Variants in DRC7 observed in about 807,000 individuals in gnomAD.
The protein encoded by DRC7 is coiled-coil domain containing 135.
A neutral mutation model predicts 104.4 loss-of-function variants in DRC7; 80 were observed. That is an observed-to-expected ratio of 0.77 (90% CI 0.64 to 0.92). DRC7 has a LOEUF of 0.92. Among genes scored for constraint, DRC7 ranks in the 40% least tolerant of loss-of-function variants. DRC7 has a pLI of 0.00. For synonymous variants in DRC7, 405 were observed against 447.3 expected (o/e 0.91, Z 1.19); for missense variants, 1,034 against 1,141.1 (o/e 0.91, Z 1.35).
intron 8 of DRC7, 70 bp downstream of exon 8, chr16:57,707,748 T>C: frequency 3.6e-6 from 5 of 1,407,354 alleles, no homozygotes; most frequent in Non-Finnish European, 4.9e-6. Context: ...AGGGAAGCAA[T>C]GGCAGCCAGA....
chr16:57,699,623 C>G (rs2048635896), intron 4 of DRC7, among the ~76,000 whole-genome samples: 1 of 152,150 alleles, frequency 6.6e-6, no homozygotes, highest in Non-Finnish European at 1.5e-5. Flanking sequence ...AGGCTGACCT[C>G]TGAGGCTTCA....
intron 8 of DRC7, among the ~76,000 whole-genome samples, chr16:57,713,241 T>A (rs1311687864): frequency 6.6e-6 from 1 of 152,226 alleles, no homozygotes; most frequent in South Asian, 2.1e-4. Context: ...TAAATGTCAA[T>A]AATCTCAAGT....
chr16:57,717,981 C>G (rs1253245886), intron 8 of DRC7, among the ~76,000 whole-genome samples: 1 of 152,196 alleles, frequency 6.6e-6, no homozygotes, highest in East Asian at 1.9e-4. Flanking sequence ...GCCATCAAAT[C>G]TTGCTGGTTT....
rs2048987261 is a variant in DRC7 at position 57,727,524 on chromosome 16, T to C, written c.2196+115T>C. 8.2e-5 allele frequency: 59 copies of C among 721,132 alleles called. No homozygotes were observed. The South Asian group carries it at 9.3e-4, about 11-fold the overall frequency. 44.7% of individuals were successfully genotyped at this position (721,132 alleles called of 1,614,324 possible). Reference sequence around the variant, plus strand: ...AACCCTCTGTGGGGGATACGGTTATTGATACCATGCGGTCATCCTTGCTGC... The same window carrying C: ...AACCCTCTGTGGGGGATACGGTTATCGATACCATGCGGTCATCCTTGCTGC... On this transcript the variant is annotated intron_variant, in intron 16 of 18. Transcript: ENST00000360716.
intron 7 of DRC7, among the ~76,000 whole-genome samples, chr16:57,707,077 A>G (rs762120913): frequency 7.9e-5 from 12 of 152,154 alleles, no homozygotes; most frequent in Non-Finnish European, 1.6e-4. Context: ...CTATTTATAC[A>G]TAACAATGAA....
chr16:57,728,292 T>G, intron 16 of DRC7, 98 bp from the exon 17 acceptor site: 43 of 1,179,944 alleles, frequency 3.6e-5, no homozygotes, highest in Non-Finnish European at 4.9e-5. Context: ...AACCTGGCTG[T>G]GAGGTCTGGC....
intron 12 of DRC7, among the ~76,000 whole-genome samples, chr16:57,723,399 C>A (rs1400039259): frequency 2.0e-5 from 3 of 152,184 alleles, no homozygotes; most frequent in Non-Finnish European, 4.4e-5. Flanking sequence ...TGGAATCAGG[C>A]CGGAACCTCA....
chr16:57,714,658 G>T (rs2048822986), intron 8 of DRC7: 1 of 205,172 alleles, frequency 4.9e-6, no homozygotes, highest in Non-Finnish European at 9.4e-6. Context: ...ACATACATAT[G>T]CACTGGACAG....
At chr16:57,723,873 C>T (rs1466527339) in intron 12 of DRC7, among the ~76,000 whole-genome samples, 3 of 151,714 alleles carry the variant, frequency 2.0e-5, no homozygotes, top group African/African-American at 7.3e-5. Flanking sequence ...AAAGGACCAT[C>T]TTATAACCCC....
At chr16:57,698,519 A>G (rs1272749201) in intron 3 of DRC7, among the ~76,000 whole-genome samples, 2 of 141,142 alleles carry the variant, frequency 1.4e-5, no homozygotes, top group Non-Finnish European at 3.0e-5. Flanking sequence ...AGACCCCCCC[A>G]CCCATGTCTA....
Position 57,705,156 on chromosome 16 carries a change from C to T in DRC7, c.858+122C>T, listed in dbSNP as rs1446652619. The T allele has an allele frequency of 2.0e-5, 22 of 1,108,172 alleles. No individual in the cohort carries two copies. In the East Asian group the frequency reaches 4.1e-4, roughly 21 times the overall value. The allele number at this position is 1,108,172 out of a possible 1,614,324, so 68.6% of individuals were successfully genotyped here. ...GGACCCCCCAACTAGGTCCACCTCA[C>T]AATCACCCCCAACCTCTACCTGGCC... is the stretch of plus-strand genomic sequence containing the variant. On this transcript the variant is annotated intron_variant, in intron 7 of 18. Transcript: ENST00000360716.
chr16:57,701,826 T>C (rs2048661258), intron 5 of DRC7, 110 bp from the exon 6 acceptor site: 1 of 904,640 alleles, frequency 1.1e-6, no homozygotes, highest in South Asian at 1.6e-5. Context: ...AGGTCCAGCC[T>C]GTGCATTGGT....
rs2048943709 is a variant in DRC7, at chr16:57,724,712, C to G, written c.1635C>G (p.Pro545=). Residue 545 remains proline (P), a synonymous_variant, in exon 13 of 19, where the codon CCC becomes CCG. Coordinates refer to ENST00000360716, the MANE Select transcript of DRC7 (RefSeq NM_001289162.2). ...GCCTGATGAAGCGGGAGGAGACACC[C>G]AGGACAATGACAGAGTACTATCAAG... is the stretch of plus-strand genomic sequence containing the variant. ...VDGLMKREET[P]RTMTEYYQGR... 1 of 1,613,802 alleles carries G rather than the reference C, an allele frequency of 6.2e-7. No individual in the cohort carries two copies. The highest frequency in any genetic ancestry group is 1.3e-5 in the African/African-American group (1 of 74,904).
intron 2 of DRC7, 109 bp from the exon 3 acceptor site, chr16:57,697,804 A>T: frequency 8.0e-7 from 1 of 1,248,826 alleles, no homozygotes; most frequent in Non-Finnish European, 1.1e-6. Flanking sequence ...TATGTGTTCG[A>T]CACCTCCTCA....
Position 57,721,683 on chromosome 16 carries a change from A to G in DRC7, c.1223A>G (p.Asp408Gly), listed in dbSNP as rs576626081. Residue 408 changes from aspartate to glycine, a missense_variant, in exon 10 of 19, where the codon GAT becomes GGT. Asp to Gly is a moderately conservative substitution (Grantham distance 94). Coordinates refer to ENST00000360716, the MANE Select transcript of DRC7 (RefSeq NM_001289162.2). ...TCCCATCAGGGCAAGGAGGATGAGG[A>G]TAAGAGCTTCGACATGCCCCACTCG... ...DVENLGKEDE[D>G]KSFDMPHSWV... 8.1e-6 allele frequency: 13 copies of G among 1,613,916 alleles called. No individual in the cohort carries two copies. The South Asian group carries it at 1.1e-4, about 14-fold the overall frequency.
At chr16:57,730,605 G>A (rs1405223358) in intron 17 of DRC7, among the ~76,000 whole-genome samples, 1 of 152,038 alleles carries the variant, frequency 6.6e-6, no homozygotes, top group Non-Finnish European at 1.5e-5. Flanking sequence ...AGGGGAGGGG[G>A]GAGTACAATG....
intron 8 of DRC7, among the ~76,000 whole-genome samples, chr16:57,709,797 T>G (rs1456047258): frequency 1.3e-5 from 2 of 152,274 alleles, no homozygotes; most frequent in East Asian, 1.9e-4. Context: ...TGAGACAGGG[T>G]CTTCCTTTGT....
chr16:57,708,153 G>A (rs2048753039), intron 8 of DRC7, among the ~76,000 whole-genome samples: 1 of 151,998 alleles, frequency 6.6e-6, no homozygotes, highest in Non-Finnish European at 1.5e-5. Flanking sequence ...CCTACAAGAG[G>A]GTACAGAGGA....
At position 57,702,034 on chromosome 16, in the gene DRC7, C is replaced by CTA. The variant is rs2048664527; in HGVS notation, c.605_606dup (p.Asp203MetfsTer19). ...TCTGCTCCATGCTTATCGGCTCTGG[C>CTA]TATGATGCTTACTGCGTCAACGGCT... On this transcript the variant is annotated frameshift_variant, in exon 6 of 19. Coordinates refer to ENST00000360716, the MANE Select transcript of DRC7 (RefSeq NM_001289162.2). LOFTEE classifies it high-confidence loss of function. 1 of 1,614,126 alleles carries CTA rather than the reference C, an allele frequency of 6.2e-7. No homozygotes were observed. Among genetic ancestry groups the CTA allele is most frequent in the African/African-American group, 1.3e-5 (1 of 74,928 alleles).
Sources: gnomAD v4.1 joint callset for allele counts (sites outside exome capture counted in the v4.1 genomes callset) on GRCh38, gnomAD v4.1.1 for gene constraint, MANE v1.5 for transcripts, NCBI Gene and HGNC (gene_info 2026-07-23, HGNC 2026-07-21) for gene names.